PLCB4: variants seen among roughly 807,000 people sequenced by gnomAD.
PLCB4 encodes the protein phospholipase C beta 4.
PLCB4 carries 77 observed loss-of-function variants against 178.8 expected under a neutral mutation model. The ratio of observed to expected loss-of-function variants is 0.43; its 90% CI spans 0.36 to 0.52. The LOEUF (loss-of-function observed/expected upper bound fraction) is 0.52. Among genes scored for constraint, PLCB4 ranks in the 20% least tolerant of loss-of-function variants. PLCB4 has a pLI of 0.00. For synonymous variants in PLCB4, 496 were observed against 490.8 expected (o/e 1.01, Z -0.14); for missense variants, 1,024 against 1,453.4 (o/e 0.70, Z 4.80).
rs140440335 is a variant in PLCB4 at position 9,361,141 on chromosome 20, T to G, written c.370-1755T>G. ...TCCTTTAAAAATTAAAAAATAGAATTACTATATGATCCAGAAGTTCCACAT... is the reference window on the plus strand; with the variant it reads ...TCCTTTAAAAATTAAAAAATAGAATGACTATATGATCCAGAAGTTCCACAT... On this transcript the variant is annotated intron_variant, in intron 7 of 39. Coordinates refer to ENST00000378473, the MANE Select transcript of PLCB4 (RefSeq NM_001377142.1). 7.4e-4 allele frequency among the ~76,000 whole-genome samples: 112 copies of G among 152,310 alleles called. 2 individuals are homozygous for G. Among genetic ancestry groups the G allele is most frequent in the Middle Eastern group, 6.8e-3 (2 of 294 alleles).
chr20:9,241,823 A>G (rs550722866), intron 3 of PLCB4, among the ~76,000 whole-genome samples: 1 of 152,180 alleles, frequency 6.6e-6, no homozygotes, highest in Non-Finnish European at 1.5e-5. Flanking sequence ...TTTTGGTCAC[A>G]AATTAATGGG....
chr20:9,448,962 G>A (rs56133100), intron 32 of PLCB4, among the ~76,000 whole-genome samples: 12,526 of 152,116 alleles, frequency 0.082, 572 homozygotes, highest in Middle Eastern at 0.13. Context: ...TGGGGGTAAC[G>A]ACCATTTGCA....
intron 3 of PLCB4, among the ~76,000 whole-genome samples, chr20:9,235,645 C>T (rs1376243043): frequency 6.6e-6 from 1 of 152,188 alleles, no homozygotes; most frequent in Non-Finnish European, 1.5e-5. Flanking sequence ...GCAGAATTCT[C>T]AGATGTAGAA....
At chr20:9,304,688 A>G (rs898976508) in intron 3 of PLCB4, among the ~76,000 whole-genome samples, 1 of 151,974 alleles carries the variant, frequency 6.6e-6, no homozygotes, top group African/African-American at 2.4e-5. Flanking sequence ...AAATGTTGTG[A>G]TGCTGCGTGC....
intron 4 of PLCB4, among the ~76,000 whole-genome samples, chr20:9,311,682 G>A (rs903441466): frequency 4.6e-5 from 7 of 152,014 alleles, no homozygotes; most frequent in Non-Finnish European, 1.0e-4. Flanking sequence ...GAGCTGTTTG[G>A]CTCCCCTTTC....
At chr20:9,279,264 A>G (rs978208363) in intron 3 of PLCB4, among the ~76,000 whole-genome samples, 5 of 152,116 alleles carry the variant, frequency 3.3e-5, no homozygotes, top group African/African-American at 9.7e-5. Context: ...GCAAGGTATT[A>G]TGCAGAGTGT....
intron 2 of PLCB4, among the ~76,000 whole-genome samples, chr20:9,130,493 A>G (rs2092245708): frequency 6.6e-6 from 1 of 152,236 alleles, no homozygotes; most frequent in Admixed American, 6.5e-5. Context: ...AATAACTTTC[A>G]ACGTAGAAAG....
At chr20:9,159,153 A>G (rs2092840828) in intron 2 of PLCB4, among the ~76,000 whole-genome samples, 1 of 152,148 alleles carries the variant, frequency 6.6e-6, no homozygotes, top group Non-Finnish European at 1.5e-5. Context: ...CTTTGTGGGA[A>G]GATGTATGGG....
At chr20:9,254,998 C>G (rs1010678013) in intron 3 of PLCB4, among the ~76,000 whole-genome samples, 9 of 152,224 alleles carry the variant, frequency 5.9e-5, no homozygotes, top group East Asian at 3.9e-4. Flanking sequence ...TGCAATCACT[C>G]TAGTCAGTAA....
At chr20:9,372,927 C>A in intron 11 of PLCB4, 120 bp from the exon 12 acceptor site, 1 of 520,782 alleles carries the variant, frequency 1.9e-6, no homozygotes, top group Non-Finnish European at 3.4e-6. Flanking sequence ...TAAGAATTCA[C>A]CACTACTTCA....
intron 2 of PLCB4, among the ~76,000 whole-genome samples, chr20:9,101,918 C>T (rs536053724): frequency 6.6e-6 from 1 of 150,888 alleles, no homozygotes; most frequent in African/African-American, 2.4e-5. Context: ...GATCTCGGCT[C>T]ACTGCAACCT....
intron 2 of PLCB4, among the ~76,000 whole-genome samples, chr20:9,205,570 C>T (rs148745280): frequency 6.6e-6 from 1 of 152,322 alleles, no homozygotes; most frequent in Non-Finnish European, 1.5e-5. Context: ...TACAAAACAG[C>T]AGTACAGTGG....
intron 3 of PLCB4, among the ~76,000 whole-genome samples, chr20:9,237,318 T>A (rs116681164): frequency 0.022 from 3,394 of 151,810 alleles, 64 homozygotes; most frequent in African/African-American, 0.033. Flanking sequence ...CCCCCATATA[T>A]CCTAATCTTT....
At chr20:9,377,607 G>A (rs927115800) in intron 12 of PLCB4, among the ~76,000 whole-genome samples, 1 of 152,116 alleles carries the variant, frequency 6.6e-6, no homozygotes, top group Admixed American at 6.6e-5. Flanking sequence ...ATGCAATTTC[G>A]CATTGTCTGC....
At chr20:9,265,262 C>A (rs1354762705) in intron 3 of PLCB4, among the ~76,000 whole-genome samples, 2 of 152,094 alleles carry the variant, frequency 1.3e-5, no homozygotes, top group Non-Finnish European at 2.9e-5. Context: ...GCAGATGGAT[C>A]ACTTGAGGTC....
chr20:9,345,203 A>C (rs2033669146), intron 7 of PLCB4, among the ~76,000 whole-genome samples: 1 of 152,140 alleles, frequency 6.6e-6, no homozygotes, highest in South Asian at 2.1e-4. Context: ...AAAAGAATAA[A>C]TACAGCCAAA....
intron 2 of PLCB4, among the ~76,000 whole-genome samples, chr20:9,111,202 G>A (rs556685363): frequency 6.6e-6 from 1 of 152,236 alleles, no homozygotes; most frequent in South Asian, 2.1e-4. Context: ...GGTACATTGG[G>A]CAAAGCCTGG....
At chr20:9,202,095 C>T (rs1478837483) in intron 2 of PLCB4, among the ~76,000 whole-genome samples, 1 of 152,142 alleles carries the variant, frequency 6.6e-6, no homozygotes, top group Non-Finnish European at 1.5e-5. Flanking sequence ...ACAGATGAAT[C>T]CCAAAATACA....
intron 4 of PLCB4, among the ~76,000 whole-genome samples, chr20:9,319,714 C>T: frequency 6.6e-6 from 1 of 152,118 alleles, no homozygotes; most frequent in East Asian, 1.9e-4. Context: ...CAGTTCAAGC[C>T]CTCCGTGGAT....
Sources: allele counts gnomAD v4.1 joint callset (sites outside exome capture counted in the v4.1 genomes callset), GRCh38; gene constraint gnomAD v4.1.1; transcripts MANE v1.5; gene names NCBI Gene and HGNC (gene_info 2026-07-23, HGNC 2026-07-21).